Variants in SLC35F3 observed in about 807,000 individuals in gnomAD.
SLC35F3 encodes solute carrier family 35 member F3, also known as putative thiamine transporter SLC35F3.
SLC35F3 carries 25 observed loss-of-function variants against 49.9 expected under a neutral mutation model. That is an observed-to-expected ratio of 0.50 (90% CI 0.37 to 0.70). The LOEUF is 0.70. Ranked by LOEUF, SLC35F3 falls within the 30% of genes least tolerant of loss-of-function variation. The pLI is 0.00. For synonymous variants in SLC35F3, 275 were observed against 265.4 expected (o/e 1.04, Z -0.35); for missense variants, 525 against 639.8 (o/e 0.82, Z 1.94).
At chr1:234,110,664 A>G (rs1572055938) in intron 2 of SLC35F3, among the ~76,000 whole-genome samples, 1 of 152,380 alleles carries the variant, frequency 6.6e-6, no homozygotes, top group South Asian at 2.1e-4. Flanking sequence ...AAATAACACA[A>G]TTAGAATTAC....
chr1:234,189,087 C>T (rs1448879802), intron 2 of SLC35F3, among the ~76,000 whole-genome samples: 3 of 152,062 alleles, frequency 2.0e-5, no homozygotes, highest in Non-Finnish European at 4.4e-5. Context: ...TTCCCTCTGA[C>T]ATAGCCTACC....
At chr1:234,080,185 C>G (rs947268306) in intron 2 of SLC35F3, among the ~76,000 whole-genome samples, 2 of 152,166 alleles carry the variant, frequency 1.3e-5, no homozygotes, top group Non-Finnish European at 2.9e-5. Flanking sequence ...TAAAATGAAG[C>G]CTCCATTCAA....
chr1:234,214,107 C>A lies in SLC35F3; in HGVS notation c.284-17310C>A. On this transcript the variant is annotated intron_variant, in intron 2 of 7. Coordinates refer to ENST00000366618, the MANE Select transcript of SLC35F3 (RefSeq NM_173508.4). This position sits in a 1 kb window ranked among gnomAD's most constrained non-coding sequence, Gnocchi z 8.0. ...TGGTGGCCAGAGGCTGCAGTCAGGA[C>A]CTGGCTGGGAGGAAGACAGGGATGA... 1 of 969,630 alleles carries A rather than the reference C, an allele frequency of 1.0e-6. No homozygotes were observed. The highest frequency in any genetic ancestry group is 4.8e-5 in the South Asian group (1 of 21,000). 60.1% of individuals were successfully genotyped at this position (969,630 alleles called of 1,614,324 possible).
intron 2 of SLC35F3, among the ~76,000 whole-genome samples, chr1:234,208,412 G>A (rs1667006047): frequency 6.6e-6 from 1 of 152,154 alleles, no homozygotes; most frequent in Non-Finnish European, 1.5e-5. Flanking sequence ...TCTGTACCAG[G>A]AAGAAGAGTA....
intron 2 of SLC35F3, among the ~76,000 whole-genome samples, chr1:234,197,064 G>A (rs927805428): frequency 3.3e-5 from 5 of 152,342 alleles, no homozygotes; most frequent in African/African-American, 9.6e-5. Flanking sequence ...GATTAATGCA[G>A]AGGTGACTGG....
intron 2 of SLC35F3, among the ~76,000 whole-genome samples, chr1:233,920,072 A>G (rs1160124229): frequency 6.6e-6 from 1 of 152,210 alleles, no homozygotes; most frequent in African/African-American, 2.4e-5. Context: ...GTTACAGAGT[A>G]ATGAAGAGAT....
Position 233,905,056 on chromosome 1 carries a change from C to CGGTCCCACTCTGTCT in SLC35F3, c.-21_-7dup, listed in dbSNP as rs1558173434. ...CCTCCGCCTCAAGTCTGGGAGCTGC[C>CGGTCCCACTCTGTCT]GGTCCCACTCTGTCTTTGCCTATGG... On this transcript the variant is annotated 5_prime_UTR_variant, in exon 1 of 8. Transcript: ENST00000366618. The CGGTCCCACTCTGTCT allele has an allele frequency of 6.4e-7, 1 of 1,554,150 alleles. No homozygotes were observed. Among genetic ancestry groups the CGGTCCCACTCTGTCT allele is most frequent in the Admixed American group, 2.0e-5 (1 of 51,168 alleles).
At chr1:233,958,557 A>C (rs1458248767) in intron 2 of SLC35F3, among the ~76,000 whole-genome samples, 1 of 152,226 alleles carries the variant, frequency 6.6e-6, no homozygotes, top group Non-Finnish European at 1.5e-5. Context: ...TATCTTTTCC[A>C]ACTAAGAAAT....
At position 234,196,937 on chromosome 1, in the gene SLC35F3, A is replaced by G. The variant is rs554787563; in HGVS notation, c.284-34480A>G. Among the ~76,000 whole-genome samples, 41 of 152,296 alleles carry G rather than the reference A, an allele frequency of 2.7e-4. No individual in the cohort carries two copies. The South Asian group carries it at 7.0e-3, about 26-fold the overall frequency. ...AGCCTGGGCAACATAGCAAGACTCC[A>G]TATTGGGAAAAAAAAAGAAAGACAA... On this transcript the variant is annotated intron_variant, in intron 2 of 7. Coordinates refer to ENST00000366618, the MANE Select transcript of SLC35F3 (RefSeq NM_173508.4).
At chr1:234,171,347 T>A (rs1162455513) in intron 2 of SLC35F3, among the ~76,000 whole-genome samples, 1 of 152,172 alleles carries the variant, frequency 6.6e-6, no homozygotes, top group African/African-American at 2.4e-5. Flanking sequence ...AAAACTCCCA[T>A]GGTGATTCTA....
At chr1:234,285,306 A>G in intron 3 of SLC35F3, 1 of 476,630 alleles carries the variant, frequency 2.1e-6, no homozygotes, top group Non-Finnish European at 4.2e-6. Flanking sequence ...TCTTGTTGAA[A>G]TCTGAAATTT....
chr1:234,308,165 A>G (rs933155921), intron 3 of SLC35F3, among the ~76,000 whole-genome samples: 2 of 152,154 alleles, frequency 1.3e-5, no homozygotes, highest in African/African-American at 4.8e-5. Context: ...GGGCTTCCAC[A>G]TGGTGGAATA....
At chr1:234,114,480 T>G (rs1046035161) in intron 2 of SLC35F3, among the ~76,000 whole-genome samples, 3 of 152,244 alleles carry the variant, frequency 2.0e-5, no homozygotes, top group Admixed American at 6.5e-5. Flanking sequence ...AATGGAGTAC[T>G]ATTAGTTTGA....
chr1:234,285,226 C>T, intron 3 of SLC35F3: 1 of 416,792 alleles, frequency 2.4e-6, no homozygotes, highest in South Asian at 1.8e-5. Flanking sequence ...AAGGACATTT[C>T]ACTGGGCTTC....
intron 2 of SLC35F3, among the ~76,000 whole-genome samples, chr1:234,193,691 G>A (rs923859647): frequency 2.6e-5 from 4 of 152,058 alleles, no homozygotes; most frequent in African/African-American, 9.7e-5. Flanking sequence ...TTCACAACTT[G>A]TAATCCTACA....
intron 2 of SLC35F3, among the ~76,000 whole-genome samples, chr1:233,983,730 CAA>C (rs113440189): frequency 0.047 from 7,120 of 152,234 alleles, 195 homozygotes; most frequent in African/African-American, 0.065. Context: ...TACATAACTT[CAA>C]ATTAAAGTGA....
intron 2 of SLC35F3, among the ~76,000 whole-genome samples, chr1:234,225,337 G>T (rs532675110): frequency 8.1e-6 from 1 of 123,812 alleles, no homozygotes; most frequent in African/African-American, 3.6e-5. Flanking sequence ...TTTCTTCTAA[G>T]CTCCTCATTT....
At chr1:233,968,473 CTTT>C (rs1662935698) in intron 2 of SLC35F3, among the ~76,000 whole-genome samples, 3 of 386 alleles carry the variant, frequency 7.8e-3, no homozygotes, top group Non-Finnish European at 0.013. Flanking sequence ...GGTAGTTTTT[CTTT>C]TTCTTTTTCT....
chr1:234,162,680 G>A (rs994408286), intron 2 of SLC35F3, among the ~76,000 whole-genome samples: 1 of 152,102 alleles, frequency 6.6e-6, no homozygotes, highest in Non-Finnish European at 1.5e-5. Flanking sequence ...AGCCATTGAA[G>A]CCTTAATACC....
Sources: gnomAD v4.1 joint callset for allele counts (sites outside exome capture counted in the v4.1 genomes callset) on GRCh38, gnomAD v4.1.1 for gene constraint, Gnocchi (gnomAD v3.1) non-coding constraint, MANE v1.5 for transcripts, NCBI Gene and HGNC (gene_info 2026-07-23, HGNC 2026-07-21) for gene names.